ANKRD11: variants seen among roughly 807,000 people sequenced by gnomAD.
ANKRD11 encodes the protein ankyrin repeat domain 11.
Under a neutral mutation model 195.7 loss-of-function variants are expected in ANKRD11, and 17 were observed. The ratio of observed to expected loss-of-function variants is 0.09; its 90% CI spans 0.06 to 0.13. The LOEUF is 0.13. Among genes scored for constraint, ANKRD11 ranks in the 10% least tolerant of loss-of-function variants. The pLI is 1.00. For synonymous variants in ANKRD11, 1,953 were observed against 1,528.1 expected, an observed-to-expected ratio of 1.28 and a Z score of -6.49; for missense variants, 3,735 against 3,566.1, an observed-to-expected ratio of 1.05 and a Z score of -1.21.
intron 2 of ANKRD11, among the ~76,000 whole-genome samples, chr16:89,397,218 C>G (rs1305412005): frequency 2.6e-5 from 4 of 152,134 alleles, no homozygotes; most frequent in African/African-American, 7.2e-5. Flanking sequence ...GGATGAGGAC[C>G]TGGGTGAGGG....
intron 1 of ANKRD11, among the ~76,000 whole-genome samples, chr16:89,434,714 C>G (rs1433172834): frequency 1.3e-5 from 2 of 152,246 alleles, no homozygotes; most frequent in African/African-American, 4.8e-5. Context: ...ACACCACACA[C>G]ACAAGGTCTC....
intron 2 of ANKRD11, among the ~76,000 whole-genome samples, chr16:89,354,501 G>A (rs1220445604): frequency 1.3e-5 from 2 of 152,208 alleles, no homozygotes; most frequent in Admixed American, 6.5e-5. Context: ...AGAGGGCAGC[G>A]TGCCCAGCAC....
chr16:89,314,807 C>T (rs917909586), intron 3 of ANKRD11, among the ~76,000 whole-genome samples: 7 of 152,202 alleles, frequency 4.6e-5, no homozygotes, highest in African/African-American at 1.7e-4. Flanking sequence ...ATTCCTTCTG[C>T]ATCCTACCCA....
At chr16:89,462,078 C>A (rs560393084) in intron 1 of ANKRD11, among the ~76,000 whole-genome samples, 1 of 144,794 alleles carries the variant, frequency 6.9e-6, no homozygotes, top group South Asian at 2.3e-4. Flanking sequence ...CCCTCTCCCT[C>A]TCCCCATGGT....
At chr16:89,453,081 C>T (rs1051478269) in intron 1 of ANKRD11, among the ~76,000 whole-genome samples, 10 of 152,170 alleles carry the variant, frequency 6.6e-5, no homozygotes, top group Non-Finnish European at 1.3e-4. Flanking sequence ...CCACCACGCC[C>T]GGCTGCACAG....
intron 2 of ANKRD11, among the ~76,000 whole-genome samples, chr16:89,358,956 GC>G (rs1182079300): frequency 6.6e-6 from 1 of 152,112 alleles, no homozygotes; most frequent in East Asian, 1.9e-4. Context: ...CTCCAGAGCA[GC>G]TGGGACCACA....
chr16:89,484,652 C>T (rs1177008505), intron 1 of ANKRD11, among the ~76,000 whole-genome samples: 1 of 152,100 alleles, frequency 6.6e-6, no homozygotes, highest in Non-Finnish European at 1.5e-5. Context: ...AAAAAATAAC[C>T]TCTGATATCA....
rs968360602 is a variant in ANKRD11 at position 89,490,499 on chromosome 16, C to T, written c.-399G>A. ...CTGATGGGGCGTCTGGCCGCGGGCTCGGCGGCGGCGCCTCCCCGGCTGGGG... is the reference window on the plus strand; with the variant it reads ...CTGATGGGGCGTCTGGCCGCGGGCTTGGCGGCGGCGCCTCCCCGGCTGGGG... On this transcript the variant is annotated 5_prime_UTR_variant, in exon 1 of 13. Coordinates refer to ENST00000301030, the MANE Select transcript of ANKRD11 (RefSeq NM_013275.6). 4.3e-6 allele frequency: 2 copies of T among 464,156 alleles called. No individual in the cohort carries two copies. The highest frequency in any genetic ancestry group is 4.1e-5 in the African/African-American group (2 of 48,986). 28.8% of individuals were successfully genotyped at this position (464,156 alleles called of 1,614,324 possible). A position where few individuals can be genotyped will look rare whatever the true frequency, so the allele number is the denominator to read the frequency against.
At chr16:89,462,303 G>A (rs975183190) in intron 1 of ANKRD11, among the ~76,000 whole-genome samples, 12 of 152,198 alleles carry the variant, frequency 7.9e-5, no homozygotes, top group African/African-American at 1.9e-4. Flanking sequence ...GCCCCTAACC[G>A]CAAGTGATCC....
intron 1 of ANKRD11, among the ~76,000 whole-genome samples, chr16:89,433,475 C>A (rs1490830333): frequency 6.6e-6 from 1 of 152,240 alleles, no homozygotes; most frequent in Non-Finnish European, 1.5e-5. Flanking sequence ...CTATTCAGAA[C>A]AGAGACACGG....
At chr16:89,346,872 T>C (rs529663125) in intron 2 of ANKRD11, among the ~76,000 whole-genome samples, 46 of 152,028 alleles carry the variant, frequency 3.0e-4, no homozygotes, top group African/African-American at 1.1e-3. Flanking sequence ...AAAGCAAACA[T>C]GTAACAGAGA....
chr16:89,294,513 C>G (rs2035284613), intron 4 of ANKRD11, among the ~76,000 whole-genome samples: 1 of 152,202 alleles, frequency 6.6e-6, no homozygotes, highest in South Asian at 2.1e-4. Context: ...CACCCAAGCT[C>G]CGGAGCCCAG....
intron 1 of ANKRD11, among the ~76,000 whole-genome samples, chr16:89,472,919 G>C (rs1012993915): frequency 1.3e-5 from 2 of 152,206 alleles, no homozygotes; most frequent in Non-Finnish European, 2.9e-5. Context: ...GCCAGACATA[G>C]TGGCTCATGT....
intron 1 of ANKRD11, chr16:89,431,276 T>A (rs2152270417): frequency 6.6e-6 from 1 of 152,658 alleles, no homozygotes; most frequent in African/African-American, 2.4e-5. Context: ...CAGCTCTGCG[T>A]TGTTCACCGA....
intron 2 of ANKRD11, among the ~76,000 whole-genome samples, chr16:89,322,075 G>T (rs183231902): frequency 8.6e-4 from 131 of 152,310 alleles, no homozygotes; most frequent in Non-Finnish European, 1.6e-3. Context: ...GGTCAGGAAG[G>T]CTCTGGTCAA....
At chr16:89,489,244 C>CACACATACA (rs1219932086) in intron 1 of ANKRD11, 2 of 151,896 alleles carry the variant, frequency 1.3e-5, no homozygotes, top group African/African-American at 4.8e-5. Flanking sequence ...CGCGCGCGCG[C>CACACATACA]GCACACACAT....
chr16:89,432,342 T>C (rs1160815307), intron 1 of ANKRD11, among the ~76,000 whole-genome samples: 2 of 151,902 alleles, frequency 1.3e-5, no homozygotes, highest in Non-Finnish European at 2.9e-5. Flanking sequence ...CACTCCAGTG[T>C]TTCCCCAGGC....
In ANKRD11 at chr16:89,279,097, G is replaced by A. The variant is rs1339396254; in HGVS notation, c.7445C>T (p.Pro2482Leu). The A allele has an allele frequency of 1.2e-6, 2 of 1,614,020 alleles. No homozygotes were observed. The highest frequency in any genetic ancestry group is 1.7e-6 in the Non-Finnish European group (2 of 1,179,964). The change falls in exon 9 of 13, where the codon CCG becomes CTG. Residue 2482 changes from proline to leucine, a missense_variant. Pro to Leu is a moderately conservative substitution (Grantham distance 98). Coordinates refer to ENST00000301030, the MANE Select transcript of ANKRD11 (RefSeq NM_013275.6). This position sits in a 1 kb window ranked among gnomAD's most constrained non-coding sequence, Gnocchi z 5.6. Reference sequence around the variant, plus strand: ...CACGGGGATGTGGAGCTTGCTGAGCGGCTTGCCGTCCAGGAGGTAGGAGCC... The same window carrying A: ...CACGGGGATGTGGAGCTTGCTGAGCAGCTTGCCGTCCAGGAGGTAGGAGCC... ...YTGSYLLDGKPLSKLHIPVIA... is the reference protein window; with the variant it reads ...YTGSYLLDGKLLSKLHIPVIA...
chr16:89,309,235 C>G (rs1266121340), intron 3 of ANKRD11, among the ~76,000 whole-genome samples: 1 of 152,176 alleles, frequency 6.6e-6, no homozygotes, highest in Non-Finnish European at 1.5e-5. Flanking sequence ...CTGGGCATGG[C>G]CACAGCCACG....
Sources: gnomAD v4.1 joint callset for allele counts (sites outside exome capture counted in the v4.1 genomes callset) on GRCh38, gnomAD v4.1.1 for gene constraint, Gnocchi (gnomAD v3.1) non-coding constraint, MANE v1.5 for transcripts, NCBI Gene and HGNC (gene_info 2026-07-23, HGNC 2026-07-21) for gene names.